CAMK1D: variants seen among roughly 807,000 people sequenced by gnomAD.
The protein encoded by CAMK1D is calcium/calmodulin dependent protein kinase ID.
CAMK1D carries 9 observed loss-of-function variants against 47.7 expected under a neutral mutation model. That is an observed-to-expected ratio of 0.19 (90% CI 0.11 to 0.33). The LOEUF (loss-of-function observed/expected upper bound fraction) is 0.33. Ranked by LOEUF, CAMK1D falls within the 10% of genes least tolerant of loss-of-function variation. CAMK1D has a pLI of 1.00. For missense variants in CAMK1D, 291 were observed against 488.7 expected (o/e 0.60, Z 3.81); for synonymous variants, 184 against 184.9 (o/e 0.99, Z 0.04).
intron 8 of CAMK1D, 130 bp downstream of exon 8, chr10:12,816,458 C>T (rs1832797791): frequency 1.2e-5 from 9 of 737,572 alleles, no homozygotes; most frequent in South Asian, 1.9e-5. Flanking sequence ...TCATTCTGGC[C>T]AGTGACTTTC....
At position 12,511,580 on chromosome 10, in the gene CAMK1D, T is replaced by C. The variant is rs571465033; in HGVS notation, c.93-41645T>C. Among the ~76,000 whole-genome samples the C allele has an allele frequency of 1.3e-4, 20 of 152,282 alleles. No homozygotes were observed. In the South Asian group the frequency reaches 4.1e-3, roughly 32 times the overall value. ...GAGTGGTGATCGCTCCACCACACTC[T>C]AGCCTGGGCAGCAGAGTGAGACCCT... On this transcript the variant is annotated intron_variant, in intron 1 of 10. Coordinates refer to ENST00000619168, the MANE Select transcript of CAMK1D (RefSeq NM_153498.4).
intron 3 of CAMK1D, among the ~76,000 whole-genome samples, chr10:12,754,697 T>C (rs1836152239): frequency 6.6e-6 from 1 of 152,316 alleles, no homozygotes; most frequent in African/African-American, 2.4e-5. Flanking sequence ...TTGATTTCTC[T>C]TGAGGCGTCT....
At chr10:12,558,293 A>G (rs2492949) in intron 2 of CAMK1D, among the ~76,000 whole-genome samples, 123,566 of 152,200 alleles carry the variant, frequency 0.81, 51,276 homozygotes, top group Non-Finnish European at 0.9. Context: ...GGTGGCTCAC[A>G]CCTGTAAGCC....
chr10:12,411,106 A>G (rs1839641275), intron 1 of CAMK1D, among the ~76,000 whole-genome samples: 1 of 152,190 alleles, frequency 6.6e-6, no homozygotes, highest in Admixed American at 6.5e-5. Context: ...ATCGGCTCCC[A>G]TCACATCAAC....
chr10:12,506,577 G>A (rs1834879097), intron 1 of CAMK1D, among the ~76,000 whole-genome samples: 1 of 151,906 alleles, frequency 6.6e-6, no homozygotes, highest in Non-Finnish European at 1.5e-5. Flanking sequence ...GAAGTGCAGT[G>A]GCACGATCTC....
At chr10:12,819,330 TCCTGGTGC>T (rs1430939056) in intron 8 of CAMK1D, among the ~76,000 whole-genome samples, 10 of 152,160 alleles carry the variant, frequency 6.6e-5, no homozygotes, top group Admixed American at 6.5e-4. Context: ...GCATGTGCGT[TCCTGGTGC>T]CCTGAACACA....
At chr10:12,383,786 A>G (rs147594452) in intron 1 of CAMK1D, among the ~76,000 whole-genome samples, 16 of 152,344 alleles carry the variant, frequency 1.1e-4, no homozygotes, top group African/African-American at 3.6e-4. Context: ...CTTTACCTTA[A>G]CTAGCCTCAG....
intron 2 of CAMK1D, among the ~76,000 whole-genome samples, chr10:12,557,608 AAGTCATTGTAGAC>A (rs1836807047): frequency 6.6e-6 from 1 of 152,030 alleles, no homozygotes; most frequent in Non-Finnish European, 1.5e-5. Context: ...TTTCATGACT[AAGTCATTGTAGAC>A]AGGATCCCAA....
intron 1 of CAMK1D, among the ~76,000 whole-genome samples, chr10:12,500,431 C>G (rs1388637157): frequency 1.3e-5 from 2 of 152,172 alleles, no homozygotes; most frequent in Non-Finnish European, 2.9e-5. Flanking sequence ...TAGCATTGCC[C>G]AGGGTTAATC....
At chr10:12,762,717 T>G (rs1204592979) in intron 4 of CAMK1D, among the ~76,000 whole-genome samples, 1 of 152,202 alleles carries the variant, frequency 6.6e-6, no homozygotes, top group African/African-American at 2.4e-5. Context: ...CTTCATCCTC[T>G]GCAGGCTTCT....
At chr10:12,473,784 A>T (rs367588070) in intron 1 of CAMK1D, among the ~76,000 whole-genome samples, 1 of 152,172 alleles carries the variant, frequency 6.6e-6, no homozygotes, top group Non-Finnish European at 1.5e-5. Flanking sequence ...GTTAAGTAAC[A>T]GGGAAAAGGA....
intron 8 of CAMK1D, among the ~76,000 whole-genome samples, chr10:12,819,109 T>A (rs1395094068): frequency 3.3e-5 from 5 of 152,166 alleles, no homozygotes; most frequent in Non-Finnish European, 5.9e-5. Context: ...AGTTAACACC[T>A]GCTCTCTCCT....
Position 12,448,529 on chromosome 10 carries a change from C to T in CAMK1D, c.92+98619C>T, listed in dbSNP as rs1185602246. Reference sequence around the variant, plus strand: ...TTCTCTGGAGGAGAAACTGTAGAGCCGTGTGGATTCTTGCCTGGGTTTGTT... The same window carrying T: ...TTCTCTGGAGGAGAAACTGTAGAGCTGTGTGGATTCTTGCCTGGGTTTGTT... On this transcript the variant is annotated intron_variant, in intron 1 of 10. Transcript: ENST00000619168. Among the ~76,000 whole-genome samples the T allele has an allele frequency of 5.3e-5, 8 of 152,164 alleles. No individual in the cohort carries two copies. The South Asian group carries it at 1.0e-3, about 20-fold the overall frequency.
At chr10:12,651,513 T>C (rs2132511511) in intron 2 of CAMK1D, among the ~76,000 whole-genome samples, 1 of 152,178 alleles carries the variant, frequency 6.6e-6, no homozygotes. Flanking sequence ...CACCTTAGCC[T>C]CCTGGGTAGC....
At chr10:12,478,974 C>T (rs1341356492) in intron 1 of CAMK1D, among the ~76,000 whole-genome samples, 5 of 152,174 alleles carry the variant, frequency 3.3e-5, no homozygotes, top group Non-Finnish European at 5.9e-5. Flanking sequence ...TCCTTTAATT[C>T]TTACAATAGC....
At chr10:12,474,319 C>T (rs1384225844) in intron 1 of CAMK1D, among the ~76,000 whole-genome samples, 1 of 151,658 alleles carries the variant, frequency 6.6e-6, no homozygotes, top group African/African-American at 2.4e-5. Flanking sequence ...CTGCCTCAAC[C>T]TCCTGAGTAG....
chr10:12,691,000 G>T (rs551113997), intron 3 of CAMK1D, among the ~76,000 whole-genome samples: 16 of 152,116 alleles, frequency 1.1e-4, no homozygotes, highest in African/African-American at 3.6e-4. Context: ...TTGACTGGGG[G>T]CGTCGTTTCA....
At chr10:12,715,605 T>C (rs758191198) in intron 3 of CAMK1D, among the ~76,000 whole-genome samples, 3 of 152,086 alleles carry the variant, frequency 2.0e-5, no homozygotes, top group Non-Finnish European at 4.4e-5. Flanking sequence ...TTTTATGTTA[T>C]GTGATATAAC....
intron 1 of CAMK1D, among the ~76,000 whole-genome samples, chr10:12,350,239 G>A (rs1055175341): frequency 6.6e-6 from 1 of 152,252 alleles, no homozygotes; most frequent in Admixed American, 6.5e-5. Context: ...TGAGCATGGT[G>A]GGGATGGCTG....
Sources: allele counts gnomAD v4.1 joint callset (sites outside exome capture counted in the v4.1 genomes callset), GRCh38; gene constraint gnomAD v4.1.1; transcripts MANE v1.5; gene names NCBI Gene and HGNC (gene_info 2026-07-23, HGNC 2026-07-21).